The following SAMSN1 variants were observed in gnomAD, a reference collection of about 807,000 sequenced individuals.
The protein encoded by SAMSN1 is SAM domain, SH3 domain and nuclear localization signals 1.
SAMSN1 carries 31 observed loss-of-function variants against 42.0 expected under a neutral mutation model. That is an observed-to-expected ratio of 0.74 (90% CI 0.55 to 1.00). The LOEUF is 1.00. Ranked by LOEUF, SAMSN1 falls within the 50% of genes least tolerant of loss-of-function variation. SAMSN1 has a pLI of 0.00. For missense variants in SAMSN1, 464 were observed against 439.4 expected (o/e 1.06, Z -0.50); for synonymous variants, 178 against 151.9 (o/e 1.17, Z -1.26).
At chr21:14,528,311 C>T (rs892988344) in intron 1 of SAMSN1, among the ~76,000 whole-genome samples, 3 of 152,060 alleles carry the variant, frequency 2.0e-5, no homozygotes, top group Admixed American at 2.0e-4. Context: ...AAAATAAATA[C>T]TAAAATAAAT....
In SAMSN1 at chr21:14,500,710, C is replaced by A; in HGVS notation, c.587G>T (p.Cys196Phe). 6.2e-7 allele frequency: 1 copy of A among 1,613,840 alleles called. No individual in the cohort carries two copies. The highest frequency in any genetic ancestry group is 8.5e-7 in the Non-Finnish European group (1 of 1,179,780). Reference sequence around the variant, plus strand: ...TGTCCACATCCCCATTGGTGTTTTGCAAATAATGTCTATGATGTCTCCTTT... The same window carrying A: ...TGTCCACATCCCCATTGGTGTTTTGAAAATAATGTCTATGATGTCTCCTTT... ...IKKGDIIDII[C>F]KTPMGMWTGM... is the part of the protein sequence containing the mutation. Residue 196 changes from cysteine to phenylalanine, a missense_variant, in exon 6 of 8, where the codon TGC (cysteine) becomes TTC (phenylalanine). Transcript: ENST00000400566.
At chr21:14,600,424 G>A (rs1399833405) in intron 6 of SAMSN1, among the ~76,000 whole-genome samples, 4 of 152,100 alleles carry the variant, frequency 2.6e-5, no homozygotes, top group Non-Finnish European at 2.9e-5. Flanking sequence ...ACTCCCAAAC[G>A]ACGATTTTTA....
At chr21:14,491,591 C>T (rs1456198901) in intron 7 of SAMSN1, among the ~76,000 whole-genome samples, 1 of 152,200 alleles carries the variant, frequency 6.6e-6, no homozygotes, top group Non-Finnish European at 1.5e-5. Context: ...ATTAGCTAGC[C>T]TATTTCAAGC....
At chr21:14,589,820 A>AT (rs1982026304) in intron 7 of SAMSN1, among the ~76,000 whole-genome samples, 1 of 152,164 alleles carries the variant, frequency 6.6e-6, no homozygotes, top group African/African-American at 2.4e-5. Context: ...CTTCTTCTTA[A>AT]TTTCTGATTT....
At position 14,637,964 on chromosome 21, in the gene SAMSN1, G is replaced by A. The variant is rs886316369; in HGVS notation, c.156+5038C>T. On this transcript the variant is annotated intron_variant, in intron 2 of 15. Coordinates refer to the SAMSN1 transcript ENST00000647101. ...GTGTGTGTTTTGGTTTGAGTGTAGT[G>A]ACACCAATTATGATAAGGATTAAAG... Among the ~76,000 whole-genome samples, 3 of 152,128 alleles carry A rather than the reference G, an allele frequency of 2.0e-5. 1 individual carries two copies. Among genetic ancestry groups the A allele is most frequent in the South Asian group, 4.1e-4 (2 of 4,822 alleles).
At chr21:14,649,224 A>G (rs1983779999) in intron 1 of SAMSN1, among the ~76,000 whole-genome samples, 1 of 140,074 alleles carries the variant, frequency 7.1e-6, no homozygotes, top group Non-Finnish European at 1.5e-5. Context: ...TTGCACAATG[A>G]GATCACATGG....
At chr21:14,581,344 C>CTTTTGTTTTTTT (rs1981715592) in intron 2 of SAMSN1, among the ~76,000 whole-genome samples, 1 of 32,588 alleles carries the variant, frequency 3.1e-5, no homozygotes, top group Non-Finnish European at 5.6e-5. Flanking sequence ...AATAATATTT[C>CTTTTGTTTTTTT]TTTTTTTTTT....
At chr21:14,553,913 T>C (rs1980677567) in intron 2 of SAMSN1, among the ~76,000 whole-genome samples, 1 of 152,104 alleles carries the variant, frequency 6.6e-6, no homozygotes, top group South Asian at 2.1e-4. Flanking sequence ...AACTTCTCTT[T>C]AGGCCTATGT....
chr21:14,603,373 A>G (rs935909291), intron 5 of SAMSN1, among the ~76,000 whole-genome samples: 1 of 152,194 alleles, frequency 6.6e-6, no homozygotes, highest in Admixed American at 6.5e-5. Flanking sequence ...TCATAACAAC[A>G]CAAGGCAGAA....
intron 2 of SAMSN1, among the ~76,000 whole-genome samples, chr21:14,640,825 CAT>C (rs1028255771): frequency 5.3e-5 from 8 of 151,880 alleles, no homozygotes; most frequent in African/African-American, 7.2e-5. Flanking sequence ...TACATACATA[CAT>C]GTTTGTATGT....
intron 2 of SAMSN1, among the ~76,000 whole-genome samples, chr21:14,553,678 A>G (rs1396676433): frequency 6.6e-6 from 1 of 152,112 alleles, no homozygotes; most frequent in Non-Finnish European, 1.5e-5. Flanking sequence ...TTGAAATCGA[A>G]TTCTAGCCTG....
chr21:14,553,157 G>A (rs1052634468), intron 2 of SAMSN1, among the ~76,000 whole-genome samples: 5 of 151,534 alleles, frequency 3.3e-5, no homozygotes, highest in Non-Finnish European at 7.4e-5. Context: ...TGAGGATTTT[G>A]TACTCTTCTT....
Position 14,577,273 on chromosome 21 carries a change from TATATATATATA to T in SAMSN1, c.261+4852_261+4862del, listed in dbSNP as rs1430864162. Among the ~76,000 whole-genome samples, 132 of 54,180 alleles carry T rather than the reference TATATATATATA, an allele frequency of 2.4e-3. 11 individuals carry two copies. The highest frequency in any genetic ancestry group is 0.014 in the Admixed American group (88 of 6,414). The allele number at this position is 54,180 out of a possible 152,430, so 35.5% of individuals were successfully genotyped here. A position where few individuals can be genotyped will look rare whatever the true frequency, so the allele number is the denominator to read the frequency against. On this transcript the variant is annotated intron_variant, in intron 2 of 8. Transcript: ENST00000285670. ...ATATATATATATATATATATATATATATATATATATATTTTTTTTTTAGAAGAGACAGGGTT... is the reference window on the plus strand; with the variant it reads ...ATATATATATATATATATATATATATTTTTTTTTTTAGAAGAGACAGGGTT...
intron 3 of SAMSN1, among the ~76,000 whole-genome samples, chr21:14,515,015 G>A (rs1987843786): frequency 1.3e-5 from 2 of 152,072 alleles, no homozygotes; most frequent in Admixed American, 6.5e-5. Flanking sequence ...AAAGAAAGCA[G>A]AGCCAAGAAA....
At chr21:14,518,659 T>A (rs115109488) in intron 2 of SAMSN1, among the ~76,000 whole-genome samples, 1,975 of 152,288 alleles carry the variant, frequency 0.013, 32 homozygotes, top group Middle Eastern at 0.044. Flanking sequence ...GTTAACATCA[T>A]TATTAATCAA....
At chr21:14,540,696 T>C (rs928391476) in intron 1 of SAMSN1, among the ~76,000 whole-genome samples, 5 of 152,216 alleles carry the variant, frequency 3.3e-5, no homozygotes, top group African/African-American at 1.2e-4. Context: ...GACTGTAAAC[T>C]AGTTCAACCA....
At chr21:14,611,228 AGT>A (rs1982699110) in intron 4 of SAMSN1, among the ~76,000 whole-genome samples, 2 of 152,318 alleles carry the variant, frequency 1.3e-5, no homozygotes, top group South Asian at 4.1e-4. Context: ...GGGCTGTGAT[AGT>A]TTCAAGAAAC....
At chr21:14,510,157 GA>G (rs541761817) in intron 5 of SAMSN1, among the ~76,000 whole-genome samples, 152 bp downstream of exon 5, 9 of 146,090 alleles carry the variant, frequency 6.2e-5, no homozygotes, top group East Asian at 2.0e-4. Flanking sequence ...AAAAAAAAAA[GA>G]AAAAAAGTCT....
At chr21:14,623,734 A>G (rs879453826) in intron 2 of SAMSN1, among the ~76,000 whole-genome samples, 5 of 152,184 alleles carry the variant, frequency 3.3e-5, no homozygotes, top group Admixed American at 2.6e-4. Flanking sequence ...GAAAGTTCAC[A>G]AGGATATCCA....
Sources: gnomAD v4.1 joint callset for allele counts (sites outside exome capture counted in the v4.1 genomes callset) on GRCh38, gnomAD v4.1.1 for gene constraint, MANE v1.5 for transcripts, NCBI Gene and HGNC (gene_info 2026-07-23, HGNC 2026-07-21) for gene names.